Variants in HEMK2 observed in about 807,000 individuals in gnomAD.
HEMK2 encodes the protein HemK methyltransferase 2, ETF1 glutamine and histone H4 lysine.
At chr21:28,755,723 T>C in the HEMK2 span, among the ~76,000 whole-genome samples, 2 of 152,206 alleles carry the variant, frequency 1.3e-5, no homozygotes, top group Non-Finnish European at 2.9e-5. Context: ...CAGTGCTCAC[T>C]GTCTACACAG....
At chr21:28,852,143 A>C in the HEMK2 span, among the ~76,000 whole-genome samples, 1 of 152,208 alleles carries the variant, frequency 6.6e-6, no homozygotes, top group Non-Finnish European at 1.5e-5. Flanking sequence ...TGGTGGCACT[A>C]ATCTCTGCAA....
At chr21:28,584,393 C>T in the HEMK2 span, among the ~76,000 whole-genome samples, 5 of 152,084 alleles carry the variant, frequency 3.3e-5, no homozygotes, top group African/African-American at 9.7e-5. Context: ...TATAGTTCTG[C>T]TCATAGCTTC....
chr21:28,711,324 CT>C, the HEMK2 span, among the ~76,000 whole-genome samples: 1 of 152,090 alleles, frequency 6.6e-6, no homozygotes, highest in Non-Finnish European at 1.5e-5. Context: ...CCATTAGTGC[CT>C]TTTCAACATC....
the HEMK2 span, among the ~76,000 whole-genome samples, chr21:28,577,564 T>G: frequency 6.6e-6 from 1 of 152,322 alleles, no homozygotes; most frequent in Admixed American, 6.5e-5. Context: ...CAACTTTTTA[T>G]TTCCAAAACC....
the HEMK2 span, among the ~76,000 whole-genome samples, chr21:28,597,559 A>T: frequency 2.7e-4 from 41 of 152,338 alleles, no homozygotes; most frequent in African/African-American, 9.1e-4. Context: ...TTCTGTCATG[A>T]TGCTATATGG....
At chr21:28,680,279 A>T in the HEMK2 span, among the ~76,000 whole-genome samples, 8 of 152,208 alleles carry the variant, frequency 5.3e-5, no homozygotes, top group Non-Finnish European at 1.0e-4. Context: ...ACACCTCTAC[A>T]CAAATAAATT....
chr21:28,783,847 G>A, the HEMK2 span, among the ~76,000 whole-genome samples: 6 of 152,298 alleles, frequency 3.9e-5, no homozygotes, highest in East Asian at 1.9e-4. Context: ...CCCTGCACTC[G>A]GAGCGGCCGG....
At chr21:28,737,983 G>A in the HEMK2 span, among the ~76,000 whole-genome samples, 4 of 152,200 alleles carry the variant, frequency 2.6e-5, no homozygotes, top group African/African-American at 9.6e-5. Flanking sequence ...CAATTGCACT[G>A]TGTTTTCATT....
the HEMK2 span, among the ~76,000 whole-genome samples, chr21:28,855,135 C>T: frequency 3.0e-4 from 46 of 151,924 alleles, no homozygotes; most frequent in Admixed American, 1.0e-3. Flanking sequence ...TATATAATGA[C>T]ACCTGTAGGC....
chr21:28,764,369 A>G, the HEMK2 span, among the ~76,000 whole-genome samples: 1 of 152,230 alleles, frequency 6.6e-6, no homozygotes, highest in African/African-American at 2.4e-5. Context: ...AGCTGCTAAG[A>G]CAAGAGAGAA....
At chr21:28,781,686 GAGTATTACCAACC>G in the HEMK2 span, among the ~76,000 whole-genome samples, 1 of 152,348 alleles carries the variant, frequency 6.6e-6, no homozygotes, top group African/African-American at 2.4e-5. Context: ...AACATGCACA[GAGTATTACCAACC>G]AGGGAAGCTC....
chr21:28,671,988 G>C, the HEMK2 span, among the ~76,000 whole-genome samples: 1 of 152,078 alleles, frequency 6.6e-6, no homozygotes, highest in Non-Finnish European at 1.5e-5. Context: ...CAGTGGAGCA[G>C]AACAACTCAA....
At chr21:28,621,942 G>A in the HEMK2 span, among the ~76,000 whole-genome samples, 8 of 152,094 alleles carry the variant, frequency 5.3e-5, no homozygotes, top group South Asian at 2.1e-4. Context: ...GCCCTTCTTC[G>A]TCTTTTTTTA....
the HEMK2 span, among the ~76,000 whole-genome samples, chr21:28,641,556 T>A: frequency 6.6e-6 from 1 of 152,142 alleles, no homozygotes; most frequent in African/African-American, 2.4e-5. Flanking sequence ...CAATGATGGA[T>A]AGAAGGTCAA....
At chr21:28,858,428 GAATTTGGGTAGT>G in the HEMK2 span, among the ~76,000 whole-genome samples, 1 of 152,180 alleles carries the variant, frequency 6.6e-6, no homozygotes, top group Non-Finnish European at 1.5e-5. Flanking sequence ...TAAGTTTTCT[GAATTTGGGTAGT>G]ACATTTTAGA....
the HEMK2 span, among the ~76,000 whole-genome samples, chr21:28,780,120 T>A: frequency 6.6e-6 from 1 of 152,100 alleles, no homozygotes. Flanking sequence ...TATGAGCTTA[T>A]GAGTAGCTAA....
the HEMK2 span, among the ~76,000 whole-genome samples, chr21:28,634,025 G>A: frequency 9.2e-5 from 14 of 152,198 alleles, no homozygotes; most frequent in Admixed American, 6.5e-4. Context: ...ATTGTTCAGC[G>A]TTTCATGTTC....
chr21:28,877,007 G>GGGAA, the HEMK2 span, among the ~76,000 whole-genome samples: 69 of 26,222 alleles, frequency 2.6e-3, 2 homozygotes, highest in African/African-American at 7.8e-3. Context: ...GAGGGAGGGA[G>GGGAA]GAAGGAAGGA....
At chr21:28,792,117 C>G in the HEMK2 span, among the ~76,000 whole-genome samples, 3 of 152,058 alleles carry the variant, frequency 2.0e-5, no homozygotes. Flanking sequence ...TGGAAATTAC[C>G]CTATATGGTC....
Sources: gnomAD v4.1 joint callset for allele counts (sites outside exome capture counted in the v4.1 genomes callset) on GRCh38, gnomAD v4.1.1 for gene constraint, MANE v1.5 for transcripts, NCBI Gene and HGNC (gene_info 2026-07-23, HGNC 2026-07-21) for gene names.